The following NAV3 variants were observed in gnomAD, a reference collection of about 807,000 sequenced individuals.
The protein encoded by NAV3 is pore membrane and/or filament interacting like protein 1.
Under a neutral mutation model 244.7 loss-of-function variants are expected in NAV3, and 87 were observed. The ratio of observed to expected loss-of-function variants is 0.36; its 90% CI spans 0.30 to 0.42. NAV3 has a LOEUF of 0.42. Among genes scored for constraint, NAV3 ranks in the 20% least tolerant of loss-of-function variants. The pLI is 1.00. For missense variants in NAV3, 2,663 were observed against 2,893.3 expected, an observed-to-expected ratio of 0.92 and a Z score of 1.83; for synonymous variants, 1,126 against 1,042.2, an observed-to-expected ratio of 1.08 and a Z score of -1.55.
intron 1 of NAV3, among the ~76,000 whole-genome samples, chr12:77,864,001 A>G (rs771603828): frequency 1.3e-5 from 2 of 151,902 alleles, no homozygotes; most frequent in Non-Finnish European, 2.9e-5. Context: ...TGCAACTGTA[A>G]AAATACAACT....
intron 2 of NAV3, among the ~76,000 whole-genome samples, chr12:77,717,866 A>G (rs1160592652): frequency 6.6e-6 from 1 of 152,112 alleles, no homozygotes; most frequent in African/African-American, 2.4e-5. Flanking sequence ...AATAACTTTC[A>G]TACACCTGTT....
intron 7 of NAV3, among the ~76,000 whole-genome samples, chr12:78,004,302 G>A (rs191112185): frequency 5.0e-4 from 76 of 152,272 alleles, no homozygotes; most frequent in Non-Finnish European, 1.5e-5. Context: ...ATATTATTTG[G>A]TTATGGTGGA....
At chr12:78,165,897 A>T (rs1328013939) in intron 23 of NAV3, among the ~76,000 whole-genome samples, 1 of 151,746 alleles carries the variant, frequency 6.6e-6, no homozygotes, top group Non-Finnish European at 1.5e-5. Context: ...CTTCCTGGTT[A>T]TAATAAATAA....
intron 15 of NAV3, among the ~76,000 whole-genome samples, chr12:78,121,640 A>G (rs1351507493): frequency 6.6e-6 from 1 of 152,180 alleles, no homozygotes; most frequent in Non-Finnish European, 1.5e-5. Context: ...ACTTTGAGTG[A>G]AAGTCTCATG....
chr12:78,098,431 CAT>C (rs1330279805), intron 12 of NAV3, among the ~76,000 whole-genome samples: 2 of 151,734 alleles, frequency 1.3e-5, no homozygotes, highest in Non-Finnish European at 2.9e-5. Flanking sequence ...AAAATGCTCA[CAT>C]GTCATATATT....
At chr12:77,794,649 T>A (rs1418148720) in intron 2 of NAV3, among the ~76,000 whole-genome samples, 1 of 152,226 alleles carries the variant, frequency 6.6e-6, no homozygotes, top group Non-Finnish European at 1.5e-5. Flanking sequence ...GTGGCAACCC[T>A]GCATCCAGCA....
At chr12:77,850,049 A>G (rs1405135148) in intron 1 of NAV3, among the ~76,000 whole-genome samples, 1 of 152,214 alleles carries the variant, frequency 6.6e-6, no homozygotes, top group Non-Finnish European at 1.5e-5. Context: ...ATTGATAATT[A>G]TTGCTTAGGT....
rs1488912137 is a variant in NAV3 at position 78,200,512 on chromosome 12, G to C, written c.6755G>C (p.Gly2252Ala). 6.2e-7 allele frequency: 1 copy of C among 1,601,576 alleles called. No individual in the cohort carries two copies. The highest frequency in any genetic ancestry group is 1.3e-5 in the African/African-American group (1 of 74,488). ...LFLPCPMDVE[G>A]SRVWFMDLWN... ...CTTCCTTGCCCCATGGATGTAGAAGGTTCTAGAGTATGGTTCATGGATCTC... is the reference window on the plus strand; with the variant it reads ...CTTCCTTGCCCCATGGATGTAGAAGCTTCTAGAGTATGGTTCATGGATCTC... Residue 2252 changes from glycine to alanine, a missense_variant, in exon 38 of 40, where the codon GGT becomes GCT. By Grantham distance (60) the Gly-to-Ala change is moderately conservative. This residue lies in a region of NAV3 where 543 missense variants were observed against 672.4 expected (regional missense o/e 0.81). Coordinates refer to ENST00000397909, the MANE Select transcript of NAV3 (RefSeq NM_001024383.2).
At chr12:78,144,981 A>AAGC (rs1267779786) in intron 20 of NAV3, 1 of 200,478 alleles carries the variant, frequency 5.0e-6, no homozygotes, top group East Asian at 1.8e-4. Context: ...ACAAAAACAA[A>AAGC]AGCAAAGTAC....
intron 9 of NAV3, 110 bp downstream of exon 9, chr12:78,021,972 A>G (rs1877235037): frequency 3.6e-6 from 2 of 553,274 alleles, no homozygotes; most frequent in Non-Finnish European, 6.3e-6. Flanking sequence ...GCAAAAATGG[A>G]CTATATACAT....
intron 31 of NAV3, among the ~76,000 whole-genome samples, 182 bp downstream of exon 31, chr12:78,185,880 A>G (rs1431016294): frequency 6.6e-6 from 1 of 151,900 alleles, no homozygotes; most frequent in Non-Finnish European, 1.5e-5. Flanking sequence ...TAGAGGTAGA[A>G]ATGTGTCTTA....
chr12:77,909,726 T>C (rs2137029302), intron 1 of NAV3, among the ~76,000 whole-genome samples: 1 of 152,208 alleles, frequency 6.6e-6, no homozygotes, highest in South Asian at 2.1e-4. Context: ...TCATGGATGC[T>C]TTATATAAAA....
intron 12 of NAV3, chr12:78,088,754 A>G (rs1225128558): frequency 6.6e-6 from 1 of 152,136 alleles, no homozygotes; most frequent in Admixed American, 6.6e-5. Flanking sequence ...GAATTTGAAG[A>G]TGGGCTGCTT....
intron 28 of NAV3, 102 bp downstream of exon 28, chr12:78,177,787 A>C (rs1958305486): frequency 5.1e-6 from 5 of 973,536 alleles, no homozygotes; most frequent in Non-Finnish European, 7.6e-6. Flanking sequence ...CATTTCAACA[A>C]TAAATACCTT....
intron 22 of NAV3, among the ~76,000 whole-genome samples, chr12:78,154,696 C>CTTAGTGAA (rs1957231764): frequency 6.6e-6 from 1 of 151,698 alleles, no homozygotes; most frequent in Non-Finnish European, 1.5e-5. Flanking sequence ...TTACTCTGAC[C>CTTAGTGAA]TTAAAATTAT....
intron 2 of NAV3, among the ~76,000 whole-genome samples, chr12:77,622,517 C>T (rs893613785): frequency 4.9e-5 from 7 of 141,618 alleles, no homozygotes; most frequent in African/African-American, 1.3e-4. Flanking sequence ...TGCTCTGCAG[C>T]GTGTTCATCC....
chr12:78,204,757 G>C (rs1399760086), intron 38 of NAV3, among the ~76,000 whole-genome samples, 178 bp from the exon 39 acceptor site: 1 of 152,074 alleles, frequency 6.6e-6, no homozygotes, highest in South Asian at 2.1e-4. Flanking sequence ...CAAGTTTAAA[G>C]TGAGCTATGT....
intron 2 of NAV3, among the ~76,000 whole-genome samples, chr12:77,728,672 T>C (rs1403273703): frequency 6.6e-6 from 1 of 151,844 alleles, no homozygotes; most frequent in African/African-American, 2.4e-5. Context: ...TAGGCAGTAA[T>C]AGTTTGAGGG....
rs1293844820 is a variant in NAV3, at chr12:77,966,102, A to G, written c.415-127A>G. On this transcript the variant is annotated intron_variant, in intron 3 of 39. Transcript: ENST00000397909. ...AAATAATTCTAGTTAAACTCTGGTT[A>G]AGACTTCTAGTATGAAATGAATGTA... 4.9e-6 allele frequency: 4 copies of G among 814,320 alleles called. No individual in the cohort carries two copies. The Admixed American group carries it at 9.4e-5, about 19-fold the overall frequency. The allele number at this position is 814,320 out of a possible 1,614,324, so 50.4% of individuals were successfully genotyped here. A position where few individuals can be genotyped will look rare whatever the true frequency, so the allele number is the denominator to read the frequency against.
Sources: gnomAD v4.1 joint callset for allele counts (sites outside exome capture counted in the v4.1 genomes callset) on GRCh38, gnomAD v4.1.1 for gene constraint, gnomAD v4.1.1 regional missense constraint, MANE v1.5 for transcripts, NCBI Gene and HGNC (gene_info 2026-07-23, HGNC 2026-07-21) for gene names.